The following FRMPD4 variants were observed in gnomAD, a reference collection of about 807,000 sequenced individuals.
FRMPD4 encodes the protein FERM and PDZ domain containing 4.
Under a neutral mutation model 94.1 loss-of-function variants are expected in FRMPD4, and 22 were observed. The observed-to-expected ratio is 0.23, with a 90% CI of 0.17 to 0.33. FRMPD4 has a LOEUF of 0.33. Among genes scored for constraint, FRMPD4 ranks in the 10% least tolerant of loss-of-function variants. The pLI is 1.00. For synonymous variants in FRMPD4, 631 were observed against 548.6 expected, an observed-to-expected ratio of 1.15 and a Z score of -2.10; for missense variants, 1,111 against 1,339.9, an observed-to-expected ratio of 0.83 and a Z score of 2.67.
chrX:12,311,267 T>TA (rs1417220688), intron 1 of FRMPD4, among the ~76,000 whole-genome samples: 22 of 112,203 alleles, frequency 2.0e-4, no homozygotes, highest in African/African-American at 7.1e-4. Flanking sequence ...GTGGTTACCA[T>TA]AAAAAATCAA....
intron 3 of FRMPD4, among the ~76,000 whole-genome samples, chrX:12,049,943 T>G (rs778623140): frequency 6.5e-4 from 73 of 111,988 alleles, no homozygotes; most frequent in Non-Finnish European, 1.0e-3. Flanking sequence ...CAAGAAAATA[T>G]TTTGTACAGC....
At chrX:12,124,391 G>A (rs778965491) in intron 3 of FRMPD4, among the ~76,000 whole-genome samples, 1 of 112,161 alleles carries the variant, frequency 8.9e-6, no homozygotes, top group East Asian at 2.8e-4. Flanking sequence ...TCCCTAACAT[G>A]TGGCAGACCA....
rs1390724412 is a variant in FRMPD4 at position 12,721,471 on chromosome X, G to A, written c.4902G>A (p.Ala1634=). The part of the protein sequence containing the change: ...KEKREESRPE[A]YDLTLSQYKQ... ...AGAGGGAGGAGTCACGCCCTGAAGC[G>A]TACGACCTTACACTTTCTCAGTACA... Residue 1634 remains alanine (A), a synonymous_variant, in exon 17 of 17, where the codon GCG becomes GCA. Transcript: ENST00000675598. 6.6e-6 allele frequency: 5 copies of A among 753,314 alleles called. No individual in the cohort carries two copies. Among genetic ancestry groups the A allele is most frequent in the South Asian group, 1.4e-4 (2 of 14,690 alleles). The allele number at this position is 753,314 out of a possible 1,213,427, so 62.1% of individuals were successfully genotyped here. A position where few individuals can be genotyped will look rare whatever the true frequency, so the allele number is the denominator to read the frequency against.
At chrX:11,925,454 T>C (rs971924412) in intron 3 of FRMPD4, among the ~76,000 whole-genome samples, 4 of 112,270 alleles carry the variant, frequency 3.6e-5, no homozygotes, top group Non-Finnish European at 5.6e-5. Context: ...TTATATATTT[T>C]TCTCATGGCC....
At chrX:11,858,250 C>G (rs894738914) in intron 1 of FRMPD4, among the ~76,000 whole-genome samples, 1 of 111,558 alleles carries the variant, frequency 9.0e-6, no homozygotes, top group African/African-American at 3.3e-5. Context: ...GACATATGTA[C>G]GTGTATGCTC....
At chrX:12,632,132 C>T (rs759700581) in intron 4 of FRMPD4, among the ~76,000 whole-genome samples, 2 of 112,061 alleles carry the variant, frequency 1.8e-5, no homozygotes, top group Non-Finnish European at 3.8e-5. Context: ...CCTGACTGAA[C>T]CAGCATCCAA....
intron 1 of FRMPD4, among the ~76,000 whole-genome samples, chrX:12,408,340 A>T (rs2056691731): frequency 9.1e-6 from 1 of 109,575 alleles, no homozygotes; most frequent in Admixed American, 9.9e-5. Context: ...TCTAATTCTC[A>T]GTTTTCTTTT....
At chrX:12,465,724 T>C (rs1301891772) in intron 1 of FRMPD4, among the ~76,000 whole-genome samples, 1 of 112,087 alleles carries the variant, frequency 8.9e-6, no homozygotes, top group Non-Finnish European at 1.9e-5. Context: ...TGAAGAGATA[T>C]ATTAAGCAAT....
intron 14 of FRMPD4, among the ~76,000 whole-genome samples, chrX:12,714,967 G>A (rs768729280): frequency 3.6e-4 from 41 of 112,437 alleles, no homozygotes; most frequent in African/African-American, 1.0e-3. Flanking sequence ...TAAGTCCATT[G>A]CATGATTTGC....
At chrX:12,251,665 C>A (rs1022945274) in intron 1 of FRMPD4, among the ~76,000 whole-genome samples, 1 of 111,993 alleles carries the variant, frequency 8.9e-6, no homozygotes, top group Admixed American at 9.5e-5. Flanking sequence ...TTTATGATTT[C>A]TTGCACACAA....
At chrX:12,524,652 C>A (rs749269954) in intron 2 of FRMPD4, among the ~76,000 whole-genome samples, 2 of 111,552 alleles carry the variant, frequency 1.8e-5, no homozygotes, top group East Asian at 2.8e-4. Context: ...TCCTTTTCTG[C>A]TACCTGTCGC....
chrX:12,385,497 G>T (rs1007256529), intron 1 of FRMPD4, among the ~76,000 whole-genome samples: 2 of 112,209 alleles, frequency 1.8e-5, no homozygotes, highest in African/African-American at 6.5e-5. Flanking sequence ...AAGGGACAAG[G>T]TCAGTCCTTC....
intron 3 of FRMPD4, among the ~76,000 whole-genome samples, chrX:12,070,163 A>C (rs1414177373): frequency 4.5e-5 from 5 of 110,514 alleles, no homozygotes; most frequent in African/African-American, 1.3e-4. Context: ...ACAGTTGCTA[A>C]AGTCGTGAGC....
intron 1 of FRMPD4, among the ~76,000 whole-genome samples, chrX:12,432,285 G>A (rs2057018798): frequency 8.9e-6 from 1 of 112,217 alleles, no homozygotes; most frequent in African/African-American, 3.2e-5. Context: ...TTTCTGCATA[G>A]TACTTAACAT....
chrX:11,846,862 C>A (rs1024094204), intron 1 of FRMPD4, among the ~76,000 whole-genome samples: 2 of 110,601 alleles, frequency 1.8e-5, no homozygotes, highest in Non-Finnish European at 3.8e-5. Context: ...CTTCCTTACA[C>A]CTTATACAAA....
chrX:12,402,685 A>G (rs2056622677), intron 1 of FRMPD4, among the ~76,000 whole-genome samples: 1 of 112,648 alleles, frequency 8.9e-6, no homozygotes, highest in Admixed American at 9.3e-5. Context: ...GAGCCTCTAG[A>G]AAAGTGATTA....
chrX:12,680,757 T>C (rs1191269219), intron 5 of FRMPD4, among the ~76,000 whole-genome samples: 1 of 111,397 alleles, frequency 9.0e-6, no homozygotes, highest in Non-Finnish European at 1.9e-5. Context: ...GCATCGTAAA[T>C]AAATACAGGA....
intron 9 of FRMPD4, among the ~76,000 whole-genome samples, chrX:12,697,980 C>T (rs1343170359): frequency 8.9e-6 from 1 of 112,132 alleles, no homozygotes; most frequent in Non-Finnish European, 1.9e-5. Flanking sequence ...AGAATGCGTG[C>T]TACCATAAGT....
chrX:12,144,614 T>C (rs1302868653), intron 1 of FRMPD4, among the ~76,000 whole-genome samples: 1 of 110,881 alleles, frequency 9.0e-6, no homozygotes, highest in Non-Finnish European at 1.9e-5. Flanking sequence ...GCAAACAAAT[T>C]GTCATATTTG....
Sources: gnomAD v4.1 joint callset for allele counts (sites outside exome capture counted in the v4.1 genomes callset) on GRCh38, gnomAD v4.1.1 for gene constraint, MANE v1.5 for transcripts, NCBI Gene and HGNC (gene_info 2026-07-23, HGNC 2026-07-21) for gene names.